Variants in PSG3 observed in about 807,000 individuals in gnomAD.
The protein encoded by PSG3 is pregnancy-specific beta-1-glycoprotein 3.
Under a neutral mutation model 47.5 loss-of-function variants are expected in PSG3, and 61 were observed. The ratio of observed to expected loss-of-function variants is 1.28; its 90% CI spans 1.05 to 1.59. The LOEUF is 1.59. PSG3 is among the 40% of genes most tolerant of loss of function. The pLI is 0.00. For missense variants in PSG3, 756 were observed against 524.0 expected (o/e 1.44, Z -4.32); for synonymous variants, 263 against 198.4 (o/e 1.33, Z -2.74).
At chr19:42,731,282 T>C (rs1033390608) in intron 3 of PSG3, among the ~76,000 whole-genome samples, 29 of 152,352 alleles carry the variant, frequency 1.9e-4, no homozygotes, top group African/African-American at 7.0e-4. Flanking sequence ...TTCTGAAATA[T>C]TTGTCATATA....
chr19:42,723,402 G>A (rs376061972), intron 6 of PSG3, among the ~76,000 whole-genome samples: 5 of 152,324 alleles, frequency 3.3e-5, no homozygotes, highest in East Asian at 3.9e-4. Flanking sequence ...AATTAGGATG[G>A]AGGAATTATA....
At chr19:42,735,702 T>C (rs1166402213) in intron 2 of PSG3, among the ~76,000 whole-genome samples, 2 of 152,244 alleles carry the variant, frequency 1.3e-5, no homozygotes, top group African/African-American at 4.8e-5. Context: ...TTTGAGTTTG[T>C]TCAGCTTTTT....
intron 2 of PSG3, among the ~76,000 whole-genome samples, chr19:42,734,505 C>A (rs936245154): frequency 3.3e-5 from 5 of 152,120 alleles, no homozygotes; most frequent in African/African-American, 1.2e-4. Context: ...ACTCTAGTAA[C>A]AACAACAGCA....
chr19:42,734,925 C>T (rs534990346), intron 2 of PSG3, among the ~76,000 whole-genome samples: 1 of 152,296 alleles, frequency 6.6e-6, no homozygotes, highest in South Asian at 2.1e-4. Context: ...TCAGGAAACA[C>T]CACTAGTGTT....
intron 2 of PSG3, among the ~76,000 whole-genome samples, chr19:42,736,343 C>T (rs1600389611): frequency 6.6e-6 from 1 of 152,156 alleles, no homozygotes; most frequent in Non-Finnish European, 1.5e-5. Context: ...CTCATCCATA[C>T]CTATGACTAA....
chr19:42,735,000 C>A (rs1041847676), intron 2 of PSG3, among the ~76,000 whole-genome samples: 7 of 152,152 alleles, frequency 4.6e-5, no homozygotes, highest in East Asian at 1.9e-4. Context: ...TCCCCACACG[C>A]AGAACTCCAA....
intron 5 of PSG3, among the ~76,000 whole-genome samples, chr19:42,728,685 G>C (rs928506521): frequency 2.6e-5 from 4 of 152,182 alleles, no homozygotes; most frequent in African/African-American, 9.6e-5. Flanking sequence ...CTCACCCAAG[G>C]GGCTTCCTCC....
chr19:42,722,963 A>G (rs1215691405), intron 6 of PSG3, among the ~76,000 whole-genome samples: 5 of 152,190 alleles, frequency 3.3e-5, no homozygotes, highest in Non-Finnish European at 5.9e-5. Flanking sequence ...TCCACTTTTA[A>G]AAATGTTTTC....
Position 42,729,238 on chromosome 19 carries a change from T to A in PSG3, c.1128A>T (p.Gly376=), listed in dbSNP as rs146855604. 2.5e-6 allele frequency: 4 copies of A among 1,613,950 alleles called. No individual in the cohort carries two copies. The highest frequency in any genetic ancestry group is 3.4e-6 in the Non-Finnish European group (4 of 1,179,920). The change falls in exon 5 of 7, where the codon GGA becomes GGT. Residue 376 remains glycine, a synonymous_variant. Transcript: ENST00000327495. ...TAATCTGGGGGATAAAGAGCTTTTG[T>A]CCTGATAGCTGAAACTTCCCATTAA... The part of the protein sequence containing the change: ...WTINGKFQLS[G]QKLFIPQITT...
chr19:42,739,533 T>A (rs1475853375), intron 1 of PSG3: 1 of 173,972 alleles, frequency 5.7e-6, no homozygotes, highest in Admixed American at 5.4e-5. Context: ...ACTCTTTGCA[T>A]GTCTGTCTTC....
In PSG3 at chr19:42,721,845, T is replaced by C. The variant is rs1362026655; in HGVS notation, c.*286A>G. The stretch of plus-strand genomic sequence containing the variant: ...CAGCACATTTTCAAATAGAAAATTA[T>C]GAAAACATTGTTTTGACTATTTAGT... On this transcript the variant is annotated 3_prime_UTR_variant, in exon 7 of 7. Transcript: ENST00000327495. The C allele has an allele frequency of 6.3e-5, 26 of 413,160 alleles. No individual in the cohort carries two copies. The highest frequency in any genetic ancestry group is 8.9e-5 in the Non-Finnish European group (20 of 225,934). The allele number at this position is 413,160 out of a possible 1,614,324, so 25.6% of individuals were successfully genotyped here. A position where few individuals can be genotyped will look rare whatever the true frequency, so the allele number is the denominator to read the frequency against.
intron 5 of PSG3, among the ~76,000 whole-genome samples, chr19:42,724,712 T>C: frequency 6.6e-6 from 1 of 152,146 alleles, no homozygotes; most frequent in Non-Finnish European, 1.5e-5. Context: ...CACAGGTGTC[T>C]TCCCTGATAA....
At chr19:42,728,491 G>GCCCA in intron 5 of PSG3, among the ~76,000 whole-genome samples, 1 of 152,248 alleles carries the variant, frequency 6.6e-6, no homozygotes, top group South Asian at 2.1e-4. Flanking sequence ...CTCTCTTTTT[G>GCCCA]TTTCCCTGCA....
rs200069263 is a variant in PSG3 at position 42,729,301 on chromosome 19, G to C, written c.1065C>G (p.Phe355Leu). ...HSGENLYLSC[F>L]ADSNPPAEYS... ...ATTCTGCTGGTGGGTTAGAGTCCGC[G>C]AAGCAGGACAAGTAGAGGTTTTCTC... Residue 355 changes from phenylalanine to leucine, a missense_variant, in exon 5 of 7, where the codon TTC becomes TTG. Phe to Leu is a conservative substitution (Grantham distance 22). Coordinates refer to ENST00000327495, the MANE Select transcript of PSG3 (RefSeq NM_021016.4). 1.2e-6 allele frequency: 2 copies of C among 1,614,128 alleles called. No homozygotes were observed. Among genetic ancestry groups the C allele is most frequent in the East Asian group, 2.2e-5 (1 of 44,884 alleles).
At chr19:42,726,392 C>T (rs2122164504) in intron 5 of PSG3, among the ~76,000 whole-genome samples, 1 of 152,102 alleles carries the variant, frequency 6.6e-6, no homozygotes, top group East Asian at 1.9e-4. Context: ...GTAGAAAATC[C>T]TAAAGATGGA....
At chr19:42,726,589 A>G (rs12981500) in intron 5 of PSG3, among the ~76,000 whole-genome samples, 19 of 152,356 alleles carry the variant, frequency 1.2e-4, no homozygotes, top group African/African-American at 3.8e-4. Context: ...CCAAAGAGGT[A>G]AAATGATTAT....
chr19:42,725,428 A>G (rs1969361021), intron 5 of PSG3, among the ~76,000 whole-genome samples: 1 of 152,218 alleles, frequency 6.6e-6, no homozygotes, highest in South Asian at 2.1e-4. Flanking sequence ...GGATATAAAT[A>G]AAATGGAGAA....
At chr19:42,726,499 C>A (rs1473202190) in intron 5 of PSG3, among the ~76,000 whole-genome samples, 1 of 151,742 alleles carries the variant, frequency 6.6e-6, no homozygotes, top group African/African-American at 2.4e-5. Flanking sequence ...TAACCATGAA[C>A]AATCTGAAGG....
rs1387077509 is a variant in PSG3 at position 42,738,896 on chromosome 19, A to G, written c.258T>C (p.Gly86=). ...ATGCAGGCCCATATATAATTATTTGACCATCTACTACGTATGATGTAATGT... is the reference window on the plus strand; with the variant it reads ...ATGCAGGCCCATATATAATTATTTGGCCATCTACTACGTATGATGTAATGT... ...YHYITSYVVD[G]QIIIYGPAYS... The change falls in exon 2 of 7, where the codon GGT becomes GGC. Residue 86 remains glycine (G), a synonymous_variant. Coordinates refer to ENST00000327495, the MANE Select transcript of PSG3 (RefSeq NM_021016.4). The G allele has an allele frequency of 1.2e-6, 2 of 1,614,050 alleles. No homozygotes were observed. The highest frequency in any genetic ancestry group is 8.5e-7 in the Non-Finnish European group (1 of 1,179,988).
Sources: gnomAD v4.1 joint callset for allele counts (sites outside exome capture counted in the v4.1 genomes callset) on GRCh38, gnomAD v4.1.1 for gene constraint, MANE v1.5 for transcripts, NCBI Gene and HGNC (gene_info 2026-07-23, HGNC 2026-07-21) for gene names.